Variants in ACVR1C observed in about 807,000 individuals in gnomAD.
The protein encoded by ACVR1C is activin A receptor type 1C, also known as activin receptor type-1C.
Under a neutral mutation model 57.9 loss-of-function variants are expected in ACVR1C, and 23 were observed. That is an observed-to-expected ratio of 0.40 (90% confidence interval 0.29 to 0.56). The LOEUF is 0.56. ACVR1C is among the 20% of genes least tolerant of loss of function. The pLI is 0.50. For missense variants in ACVR1C, 480 were observed against 607.9 expected (o/e 0.79, Z 2.21); for synonymous variants, 214 against 215.3 (o/e 0.99, Z 0.05).
At position 157,550,214 on chromosome 2, in the gene ACVR1C, C is replaced by T. The variant is rs753140064; in HGVS notation, c.723G>A (p.Thr241=). 20 of 1,613,886 alleles carry T rather than the reference C, an allele frequency of 1.2e-5. No individual in the cohort carries two copies. Among genetic ancestry groups the T allele is most frequent in the South Asian group, 2.2e-5 (2 of 91,080 alleles). ...GGATGTTTTCATGTCGCAGCATGAC[C>T]GTCTGGTAAATTTCTGCCTCACGAA... The part of the protein sequence containing the change: ...SWFREAEIYQ[T]VMLRHENILG... The change falls in exon 4 of 9, where the codon ACG becomes ACA. Residue 241 remains threonine (T), a synonymous_variant. Transcript: ENST00000243349.
chr2:157,625,990 C>T (rs1005743539), intron 1 of ACVR1C, among the ~76,000 whole-genome samples: 12 of 152,194 alleles, frequency 7.9e-5, no homozygotes, highest in African/African-American at 2.2e-4. Context: ...TTTTTAGAGA[C>T]GGTGCCTCAC....
At position 157,531,779 on chromosome 2, in the gene ACVR1C, A is replaced by C. The variant is rs1414562865; in HGVS notation, c.*2139T>G. On this transcript the variant is annotated 3_prime_UTR_variant, in exon 9 of 9. Coordinates refer to ENST00000243349, the MANE Select transcript of ACVR1C (RefSeq NM_145259.3). ...TTAGATTGTCTGTAATATCCAAATA[A>C]AGCTACTTTCTAAATGTGTTGCAAA... The C allele has an allele frequency of 6.6e-6, 1 of 152,128 alleles. No homozygotes were observed. Among genetic ancestry groups the C allele is most frequent in the Non-Finnish European group, 1.5e-5 (1 of 67,990 alleles). 9.4% of individuals were successfully genotyped at this position (152,128 alleles called of 1,614,324 possible).
chr2:157,540,418 T>C (rs1194806858), intron 7 of ACVR1C, among the ~76,000 whole-genome samples: 1 of 151,846 alleles, frequency 6.6e-6, no homozygotes, highest in Admixed American at 6.6e-5. Context: ...TGGAGTGCAA[T>C]GGCGCAATCT....
chr2:157,556,361 C>T (rs182485176), intron 2 of ACVR1C, 29 bp from the exon 3 acceptor site: 1 of 1,602,004 alleles, frequency 6.2e-7, no homozygotes, highest in South Asian at 1.1e-5. Flanking sequence ...AGAACATGAC[C>T]ATAAATCAAA....
intron 4 of ACVR1C, among the ~76,000 whole-genome samples, chr2:157,549,828 A>G (rs1394541482): frequency 2.2e-5 from 3 of 135,404 alleles, no homozygotes; most frequent in African/African-American, 8.7e-5. Flanking sequence ...TACTAAAAAT[A>G]CAAAAAAAAA....
chr2:157,619,985 C>CA (rs1035755582), intron 1 of ACVR1C, among the ~76,000 whole-genome samples: 1 of 151,816 alleles, frequency 6.6e-6, no homozygotes, highest in African/African-American at 2.4e-5. Context: ...TGGCAATATC[C>CA]AAAGCATAGT....
chr2:157,554,264 A>AAGG (rs1558975100), intron 3 of ACVR1C, among the ~76,000 whole-genome samples: 6 of 127,410 alleles, frequency 4.7e-5, no homozygotes, highest in Non-Finnish European at 4.7e-5. Flanking sequence ...AGAAAGAAAG[A>AAGG]AAGAAAGGAA....
intron 5 of ACVR1C, among the ~76,000 whole-genome samples, chr2:157,543,277 C>T (rs1280943515): frequency 2.0e-5 from 3 of 152,220 alleles, no homozygotes; most frequent in Non-Finnish European, 4.4e-5. Flanking sequence ...AAGGTCCTTG[C>T]AACTCTTTTC....
At chr2:157,554,263 G>GAA (rs1558975092) in intron 3 of ACVR1C, among the ~76,000 whole-genome samples, 1 of 127,614 alleles carries the variant, frequency 7.8e-6, no homozygotes, top group Non-Finnish European at 1.6e-5. Context: ...AAGAAAGAAA[G>GAA]AAAGAAAGGA....
At chr2:157,597,730 T>C (rs551665612) in intron 1 of ACVR1C, among the ~76,000 whole-genome samples, 8 of 152,358 alleles carry the variant, frequency 5.3e-5, no homozygotes, top group African/African-American at 1.7e-4. Context: ...TGTCGCACTC[T>C]CGATTTTCTG....
chr2:157,578,309 C>A (rs1314255136), intron 2 of ACVR1C, among the ~76,000 whole-genome samples: 2 of 152,092 alleles, frequency 1.3e-5, no homozygotes, highest in Admixed American at 6.5e-5. Flanking sequence ...ACAGAAATGA[C>A]AACAGGCACA....
intron 1 of ACVR1C, among the ~76,000 whole-genome samples, chr2:157,615,191 G>A (rs1287858548): frequency 6.6e-6 from 1 of 151,516 alleles, no homozygotes; most frequent in African/African-American, 2.4e-5. Context: ...TTGCAGCTGG[G>A]CACAGTGGTT....
At chr2:157,608,870 T>C (rs1415644533) in intron 1 of ACVR1C, among the ~76,000 whole-genome samples, 1 of 151,952 alleles carries the variant, frequency 6.6e-6, no homozygotes, top group Non-Finnish European at 1.5e-5. Context: ...CTCTTTTTTC[T>C]TAGTCTAGTT....
At chr2:157,572,417 A>C (rs943173501) in intron 2 of ACVR1C, among the ~76,000 whole-genome samples, 4 of 152,010 alleles carry the variant, frequency 2.6e-5, no homozygotes, top group Admixed American at 2.6e-4. Context: ...TAACTTCTCC[A>C]CAGCTAGTAT....
In ACVR1C at chr2:157,628,864, T is replaced by C. The variant is rs1321235523; in HGVS notation, c.-220A>G. ...TGGCGGTGCGCGGCGCTCCTGCCACTGGCCCCGCAGCCGGGCGGGGAGCGG... is the reference window on the plus strand; with the variant it reads ...TGGCGGTGCGCGGCGCTCCTGCCACCGGCCCCGCAGCCGGGCGGGGAGCGG... On this transcript the variant is annotated 5_prime_UTR_variant, in exon 1 of 9. Coordinates refer to ENST00000243349, the MANE Select transcript of ACVR1C (RefSeq NM_145259.3). 1.3e-5 allele frequency: 4 copies of C among 310,308 alleles called. No homozygotes were observed. In the East Asian group the frequency reaches 2.1e-4, roughly 16 times the overall value. The allele number at this position is 310,308 out of a possible 1,614,324, so 19.2% of individuals were successfully genotyped here. A position where few individuals can be genotyped will look rare whatever the true frequency, so the allele number is the denominator to read the frequency against.
At chr2:157,575,455 G>A (rs1224509782) in intron 2 of ACVR1C, among the ~76,000 whole-genome samples, 1 of 152,072 alleles carries the variant, frequency 6.6e-6, no homozygotes, top group Non-Finnish European at 1.5e-5. Flanking sequence ...TTTTTGTAGA[G>A]ATGCAATTTC....
intron 8 of ACVR1C, among the ~76,000 whole-genome samples, chr2:157,537,700 T>C (rs1201241971): frequency 4.6e-5 from 7 of 151,930 alleles, no homozygotes; most frequent in African/African-American, 1.7e-4. Context: ...GCAAAAAAAA[T>C]AGACAGCAAT....
At chr2:157,624,851 G>C (rs1191332268) in intron 1 of ACVR1C, among the ~76,000 whole-genome samples, 1 of 152,188 alleles carries the variant, frequency 6.6e-6, no homozygotes, top group Non-Finnish European at 1.5e-5. Flanking sequence ...CAAGATAAAA[G>C]TACAGAACAC....
intron 1 of ACVR1C, among the ~76,000 whole-genome samples, chr2:157,587,631 GT>G (rs758137789): frequency 2.0e-5 from 3 of 151,930 alleles, no homozygotes; most frequent in Non-Finnish European, 2.9e-5. Context: ...TAATATTTTT[GT>G]GATTTATTCC....
Sources: gnomAD v4.1 joint callset for allele counts (sites outside exome capture counted in the v4.1 genomes callset) on GRCh38, gnomAD v4.1.1 for gene constraint, MANE v1.5 for transcripts, NCBI Gene and HGNC (gene_info 2026-07-23, HGNC 2026-07-21) for gene names.